The following PTPRD variants were observed in gnomAD, a reference collection of about 807,000 sequenced individuals.
PTPRD encodes the protein protein tyrosine phosphatase receptor type D.
Under a neutral mutation model 214.5 loss-of-function variants are expected in PTPRD, and 34 were observed. The ratio of observed to expected loss-of-function variants is 0.16; its 90% CI spans 0.12 to 0.21. PTPRD has a LOEUF of 0.21. PTPRD is among the 10% of genes least tolerant of loss of function. PTPRD has a pLI of 1.00. For missense variants in PTPRD, 2,545 were observed against 2,398.7 expected (o/e 1.06, Z -1.27); for synonymous variants, 1,128 against 845.7 (o/e 1.33, Z -5.79).
intron 3 of PTPRD, among the ~76,000 whole-genome samples, chr9:10,216,390 T>C (rs1384168485): frequency 2.0e-5 from 3 of 151,950 alleles, no homozygotes; most frequent in Non-Finnish European, 4.4e-5. Flanking sequence ...CTTTATTATT[T>C]TTATTAAACT....
chr9:9,493,763 G>A (rs1228330287), intron 8 of PTPRD, among the ~76,000 whole-genome samples: 1 of 143,000 alleles, frequency 7.0e-6, no homozygotes. Flanking sequence ...ACTCCAGCCT[G>A]GGTGACAGAG....
intron 5 of PTPRD, among the ~76,000 whole-genome samples, chr9:9,785,844 G>A (rs1180083793): frequency 6.6e-6 from 1 of 151,992 alleles, no homozygotes; most frequent in Non-Finnish European, 1.5e-5. Context: ...CATACAAAAG[G>A]TACCATTTTT....
chr9:10,510,532 C>T (rs554941406), intron 2 of PTPRD, among the ~76,000 whole-genome samples: 3 of 152,118 alleles, frequency 2.0e-5, no homozygotes, highest in South Asian at 2.1e-4. Context: ...TTCGGCATAT[C>T]GCTTTTTTGT....
chr9:9,228,271 G>A (rs1255024557), intron 9 of PTPRD, among the ~76,000 whole-genome samples: 6 of 152,034 alleles, frequency 3.9e-5, no homozygotes, highest in Non-Finnish European at 8.8e-5. Context: ...GATGTGGTCA[G>A]CTTTCTCTCA....
At chr9:9,931,584 G>C (rs181119140) in intron 5 of PTPRD, among the ~76,000 whole-genome samples, 1 of 152,030 alleles carries the variant, frequency 6.6e-6, no homozygotes, top group African/African-American at 2.4e-5. Flanking sequence ...CTATGCCCAC[G>C]GAGTCTCGCT....
chr9:9,204,793 G>C (rs1219933650), intron 9 of PTPRD, among the ~76,000 whole-genome samples: 1 of 152,004 alleles, frequency 6.6e-6, no homozygotes, highest in Non-Finnish European at 1.5e-5. Flanking sequence ...ATATTATATT[G>C]TATATTAAAA....
chr9:8,442,463 T>A (rs1055216504), intron 34 of PTPRD, among the ~76,000 whole-genome samples: 1 of 152,206 alleles, frequency 6.6e-6, no homozygotes, highest in Non-Finnish European at 1.5e-5. Context: ...TCTGTCACTA[T>A]ATACGTGTGT....
chr9:9,833,561 G>A (rs903740977), intron 5 of PTPRD, among the ~76,000 whole-genome samples: 6 of 149,764 alleles, frequency 4.0e-5, no homozygotes, highest in Non-Finnish European at 7.4e-5. Context: ...GAGATCAACC[G>A]GTCTGACCAA....
intron 9 of PTPRD, among the ~76,000 whole-genome samples, chr9:9,374,416 T>C (rs2060271447): frequency 6.6e-6 from 1 of 152,084 alleles, no homozygotes; most frequent in African/African-American, 2.4e-5. Context: ...AAGAAGATAA[T>C]TACTTATTTC....
intron 11 of PTPRD, among the ~76,000 whole-genome samples, chr9:8,814,938 T>C (rs1253578334): frequency 6.6e-6 from 1 of 152,172 alleles, no homozygotes; most frequent in Non-Finnish European, 1.5e-5. Flanking sequence ...CAATAGAAAG[T>C]AACTTAGAAC....
rs752569614 is a variant in PTPRD at position 9,648,486 on chromosome 9, G to C, written c.-286-73705C>G. Reference sequence around the variant, plus strand: ...CTTAAAATAAAGATTTGATGTTTCTGACCTGATGGTAATTTTCACAAATCT... The same window carrying C: ...CTTAAAATAAAGATTTGATGTTTCTCACCTGATGGTAATTTTCACAAATCT... On this transcript the variant is annotated intron_variant, in intron 7 of 45. Transcript: ENST00000381196. Among the ~76,000 whole-genome samples the C allele has an allele frequency of 9.8e-5, 15 of 152,312 alleles. No individual in the cohort carries two copies. In the Middle Eastern group the frequency reaches 0.01, roughly 104 times the overall value.
At chr9:8,703,985 C>T (rs1417165939) in intron 12 of PTPRD, among the ~76,000 whole-genome samples, 1 of 152,110 alleles carries the variant, frequency 6.6e-6, no homozygotes, top group African/African-American at 2.4e-5. Context: ...TGGGAGTCAT[C>T]CTTGACATTT....
At chr9:8,754,641 A>G (rs2093823861) in intron 11 of PTPRD, among the ~76,000 whole-genome samples, 1 of 152,242 alleles carries the variant, frequency 6.6e-6, no homozygotes, top group Non-Finnish European at 1.5e-5. Context: ...AATACATCTT[A>G]TAGACAATGG....
intron 9 of PTPRD, among the ~76,000 whole-genome samples, chr9:9,340,644 G>C (rs554318724): frequency 6.6e-6 from 1 of 152,266 alleles, no homozygotes; most frequent in Non-Finnish European, 1.5e-5. Context: ...TAGAACTAAA[G>C]AGCTATGAAT....
chr9:9,564,338 G>A (rs141238249), intron 8 of PTPRD, among the ~76,000 whole-genome samples: 3 of 152,076 alleles, frequency 2.0e-5, no homozygotes, highest in South Asian at 4.1e-4. Context: ...TTCATCAGTT[G>A]TGAGGAATGC....
chr9:9,938,675 T>G (rs2090411926), intron 4 of PTPRD, 65 bp from the exon 5 acceptor site: 2 of 152,162 alleles, frequency 1.3e-5, no homozygotes, highest in African/African-American at 4.8e-5. Context: ...ATATTCATTA[T>G]GTTATCTTTT....
intron 11 of PTPRD, among the ~76,000 whole-genome samples, chr9:8,736,058 G>A (rs1031522050): frequency 2.6e-5 from 4 of 152,148 alleles, no homozygotes; most frequent in African/African-American, 9.7e-5. Flanking sequence ...CATGGAACCA[G>A]GCTTTGGAAA....
chr9:9,076,015 A>G (rs1239517491), intron 10 of PTPRD, among the ~76,000 whole-genome samples: 1 of 152,128 alleles, frequency 6.6e-6, no homozygotes, highest in African/African-American at 2.4e-5. Context: ...GAACTAGTTT[A>G]TAGTCCCACC....
chr9:10,110,757 C>G (rs74955445), intron 3 of PTPRD, among the ~76,000 whole-genome samples: 2,398 of 152,240 alleles, frequency 0.016, 56 homozygotes, highest in African/African-American at 0.054. Flanking sequence ...AGAAATAGCT[C>G]CTGGCTAATT....
Sources: gnomAD v4.1 joint callset for allele counts (sites outside exome capture counted in the v4.1 genomes callset) on GRCh38, gnomAD v4.1.1 for gene constraint, MANE v1.5 for transcripts, NCBI Gene and HGNC (gene_info 2026-07-23, HGNC 2026-07-21) for gene names.